LAMB4: variants seen among roughly 807,000 people sequenced by gnomAD.
LAMB4 encodes the protein laminin subunit beta-4.
In LAMB4, 196 loss-of-function variants were observed where a neutral mutation model predicts 199.2. The ratio of observed to expected loss-of-function variants is 0.98; its 90% CI spans 0.88 to 1.11. LAMB4 has a LOEUF of 1.11. Among genes scored for constraint, LAMB4 ranks in the 50% least tolerant of loss-of-function variants. LAMB4 has a pLI of 0.00. For missense variants in LAMB4, 2,080 were observed against 2,171.2 expected (o/e 0.96, Z 0.83); for synonymous variants, 744 against 770.6 (o/e 0.97, Z 0.57).
chr7:108,076,507 T>G (rs2036708780), intron 17 of LAMB4, among the ~76,000 whole-genome samples: 2 of 152,208 alleles, frequency 1.3e-5, no homozygotes, highest in African/African-American at 2.4e-5. Context: ...GTGTAGGATG[T>G]ATAAAATGGG....
intron 10 of LAMB4, among the ~76,000 whole-genome samples, chr7:108,099,947 A>G (rs1336230748): frequency 3.3e-5 from 5 of 152,214 alleles, no homozygotes; most frequent in African/African-American, 7.2e-5. Flanking sequence ...TTTAGTTTGG[A>G]AAAGCCACAA....
intron 14 of LAMB4, among the ~76,000 whole-genome samples, chr7:108,081,581 A>G (rs2036943825): frequency 6.6e-6 from 1 of 152,192 alleles, no homozygotes; most frequent in Non-Finnish European, 1.5e-5. Context: ...GACATAATTA[A>G]TGCCAGACAG....
Position 108,026,308 on chromosome 7 carries a change from C to G in LAMB4, c.5147-2130G>C, listed in dbSNP as rs544816628. Among the ~76,000 whole-genome samples, 13 of 152,346 alleles carry G rather than the reference C, an allele frequency of 8.5e-5. 1 individual carries two copies. Among genetic ancestry groups the G allele is most frequent in the Admixed American group, 3.9e-4 (6 of 15,296 alleles). On this transcript the variant is annotated intron_variant, in intron 33 of 33. Transcript: ENST00000388781. ...GGACTGGCTTTATAAGTTGTTTTGACTAATAGAAAAGCGGAAGAACTGATG... is the reference window on the plus strand; with the variant it reads ...GGACTGGCTTTATAAGTTGTTTTGAGTAATAGAAAAGCGGAAGAACTGATG...
At chr7:108,036,360 G>T (rs1293846135) in intron 30 of LAMB4, among the ~76,000 whole-genome samples, 1 of 151,946 alleles carries the variant, frequency 6.6e-6, no homozygotes, top group Non-Finnish European at 1.5e-5. Context: ...GGCAAATTTT[G>T]TATTTTTAGG....
chr7:108,055,296 C>T (rs1382879269), intron 25 of LAMB4, among the ~76,000 whole-genome samples: 1 of 151,564 alleles, frequency 6.6e-6, no homozygotes, highest in Non-Finnish European at 1.5e-5. Context: ...AAGCAATTCT[C>T]TTGCCTCAGC....
intron 14 of LAMB4, among the ~76,000 whole-genome samples, chr7:108,084,933 T>A (rs368372633): frequency 6.6e-6 from 1 of 151,596 alleles, no homozygotes; most frequent in African/African-American, 2.4e-5. Context: ...TTTGCAGAGA[T>A]GGGGTCTCAA....
At chr7:108,090,679 T>G (rs1045610794) in intron 14 of LAMB4, among the ~76,000 whole-genome samples, 4 of 152,230 alleles carry the variant, frequency 2.6e-5, no homozygotes, top group Admixed American at 6.5e-5. Context: ...TTATTCTGTT[T>G]TCCCATCTAA....
chr7:108,077,068 T>G lies in LAMB4; in HGVS notation c.2004-4A>C. On this transcript the variant is annotated splice_region_variant and splice_polypyrimidine_tract_variant and intron_variant, in intron 16 of 33. Transcript: ENST00000388781. ...GGGTGTGGGAAGCAGCATGATTCTG[T>G]ATTAAGAAAGATAAAGCAAAAATTC... is the stretch of plus-strand genomic sequence containing the variant. 1.9e-6 allele frequency: 3 copies of G among 1,612,432 alleles called. No individual in the cohort carries two copies. The highest frequency in any genetic ancestry group is 2.5e-6 in the Non-Finnish European group (3 of 1,179,254).
chr7:108,101,929 T>G (rs1046027331), intron 10 of LAMB4, among the ~76,000 whole-genome samples: 4 of 152,102 alleles, frequency 2.6e-5, no homozygotes, highest in African/African-American at 9.7e-5. Flanking sequence ...AAAACAAAGA[T>G]AGCAAAAATT....
At chr7:108,023,520 C>A (rs1471460291), downstream of LAMB4, 1 of 152,148 alleles carries the variant, frequency 6.6e-6, no homozygotes, top group African/African-American at 2.4e-5. Context: ...TGAGAATGAC[C>A]ATGTAGGAAC....
At chr7:108,128,334 T>C (rs529161364) in intron 1 of LAMB4, among the ~76,000 whole-genome samples, 1 of 152,162 alleles carries the variant, frequency 6.6e-6, no homozygotes, top group Admixed American at 6.5e-5. Flanking sequence ...GTCAATAGGG[T>C]TCTGGCATGA....
In LAMB4 at chr7:108,106,530, G is replaced by A. The variant is rs141244006; in HGVS notation, c.634C>T (p.Pro212Ser). 3.8e-6 allele frequency: 6 copies of A among 1,583,116 alleles called. No individual in the cohort carries two copies. The African/African-American group carries it at 4.1e-5, about 11-fold the overall frequency. ...ATACCTTGGATGTAGGGGCTATAAGGGTTTTCAATTTCAAAACTGGGATCC... is the reference window on the plus strand; with the variant it reads ...ATACCTTGGATGTAGGGGCTATAAGAGTTTTCAATTTCAAAACTGGGATCC... ...VLDPSFEIEN[P>S]YSPYIQDLVT... Residue 212 changes from proline to serine, a missense_variant, in exon 7 of 34, where the codon CCT (proline) becomes TCT (serine). By Grantham distance (74) the Pro-to-Ser change is moderately conservative. Coordinates refer to ENST00000388781, the MANE Select transcript of LAMB4 (RefSeq NM_007356.3).
intron 29 of LAMB4, among the ~76,000 whole-genome samples, chr7:108,042,933 A>ATC (rs1247864739): frequency 9.7e-4 from 97 of 99,978 alleles, no homozygotes; most frequent in African/African-American, 3.0e-3. Flanking sequence ...CTCTCTCTCA[A>ATC]TCTCTGTGTG....
intron 15 of LAMB4, among the ~76,000 whole-genome samples, chr7:108,079,160 G>A (rs1424762776): frequency 6.6e-6 from 1 of 152,210 alleles, no homozygotes; most frequent in Non-Finnish European, 1.5e-5. Context: ...GGAAACAAGA[G>A]GGGCAGTTTG....
At chr7:108,071,037 T>C (rs2036516437) in intron 17 of LAMB4, among the ~76,000 whole-genome samples, 1 of 152,142 alleles carries the variant, frequency 6.6e-6, no homozygotes, top group Admixed American at 6.5e-5. Context: ...AAGTGTCCCA[T>C]TGGTAACTCC....
chr7:108,041,210 C>A (rs2035410495), intron 29 of LAMB4, among the ~76,000 whole-genome samples: 1 of 152,112 alleles, frequency 6.6e-6, no homozygotes, highest in African/African-American at 2.4e-5. Flanking sequence ...CATCTCACAC[C>A]AGTCTGAATG....
chr7:108,087,405 C>G (rs2037224152), intron 14 of LAMB4, among the ~76,000 whole-genome samples: 1 of 152,226 alleles, frequency 6.6e-6, no homozygotes, highest in Admixed American at 6.5e-5. Context: ...GCTTCTCCAA[C>G]ATACTCATTT....
Position 108,024,714 on chromosome 7 carries a change from G to GATCCATCC in LAMB4, c.5147-544_5147-537dup, listed in dbSNP as rs772231270. ...CCATTGACCCATCCATCGATCCATT[G>GATCCATCC]ATCCATCCATCCATCCATCCATCCA... On this transcript the variant is annotated intron_variant, in intron 33 of 33. Transcript: ENST00000388781. Among the ~76,000 whole-genome samples the GATCCATCC allele has an allele frequency of 7.0e-4, 106 of 151,208 alleles. 1 individual carries two copies. Among genetic ancestry groups the GATCCATCC allele is most frequent in the African/African-American group, 2.3e-3 (94 of 40,950 alleles).
At chr7:108,092,490 T>A in intron 12 of LAMB4, 74 bp from the exon 13 acceptor site, 1 of 1,100,686 alleles carries the variant, frequency 9.1e-7, no homozygotes, top group Non-Finnish European at 1.4e-6. Flanking sequence ...CTGAAATCAC[T>A]ACAATGCAAT....
Sources: gnomAD v4.1 joint callset for allele counts (sites outside exome capture counted in the v4.1 genomes callset) on GRCh38, gnomAD v4.1.1 for gene constraint, MANE v1.5 for transcripts, NCBI Gene and HGNC (gene_info 2026-07-23, HGNC 2026-07-21) for gene names.